Variants in GRID2 observed in about 807,000 individuals in gnomAD.
The protein encoded by GRID2 is glutamate ionotropic receptor delta type subunit 2, also known as glutamate receptor ionotropic, delta-2.
GRID2 carries 33 observed loss-of-function variants against 114.8 expected under a neutral mutation model. That is an observed-to-expected ratio of 0.29 (90% CI 0.22 to 0.38). The LOEUF (loss-of-function observed/expected upper bound fraction) is 0.38. GRID2 is among the 10% of genes least tolerant of loss of function. The pLI is 1.00. For synonymous variants in GRID2, 505 were observed against 449.9 expected, an observed-to-expected ratio of 1.12 and a Z score of -1.55; for missense variants, 1,184 against 1,257.7, an observed-to-expected ratio of 0.94 and a Z score of 0.89.
intron 1 of GRID2, among the ~76,000 whole-genome samples, chr4:92,320,637 C>G (rs900248935): frequency 1.3e-5 from 2 of 151,932 alleles, no homozygotes; most frequent in African/African-American, 4.8e-5. Context: ...ACCAACATGC[C>G]TAGCTAATTT....
chr4:93,040,996 T>G (rs1194067047), intron 2 of GRID2, among the ~76,000 whole-genome samples: 1 of 151,990 alleles, frequency 6.6e-6, no homozygotes, highest in Admixed American at 6.6e-5. Flanking sequence ...AACTGTAAAA[T>G]AAGGGTAAAG....
rs150436888 is a variant in GRID2, at chr4:93,310,242, G to A, written c.1245+71752G>A. ...TTATTAATATTGAGAACACTGAGCC[G>A]GGCACAGTGGCTCACTCCTGTAATC... On this transcript the variant is annotated intron_variant, in intron 8 of 15. Transcript: ENST00000282020. 4.0e-3 allele frequency among the ~76,000 whole-genome samples: 604 copies of A among 152,146 alleles called. 7 individuals carry two copies. Among genetic ancestry groups the A allele is most frequent in the African/African-American group, 0.014 (568 of 41,508 alleles).
chr4:93,341,476 C>A (rs1318762868), intron 8 of GRID2, among the ~76,000 whole-genome samples: 3 of 152,114 alleles, frequency 2.0e-5, no homozygotes, highest in Admixed American at 6.5e-5. Flanking sequence ...GTGCCCGCCA[C>A]CACGCCCGGC....
chr4:93,385,932 G>C (rs1410445298), intron 8 of GRID2, among the ~76,000 whole-genome samples: 1 of 151,944 alleles, frequency 6.6e-6, no homozygotes, highest in African/African-American at 2.4e-5. Flanking sequence ...TGTTGAGTTA[G>C]ATATGTATTC....
chr4:93,334,205 T>C (rs1461026207), intron 8 of GRID2, among the ~76,000 whole-genome samples: 3 of 152,186 alleles, frequency 2.0e-5, no homozygotes, highest in Non-Finnish European at 2.9e-5. Flanking sequence ...CTAGTACTAA[T>C]GTGAAATACA....
chr4:92,642,639 A>C (rs1345976712), intron 2 of GRID2, among the ~76,000 whole-genome samples: 2 of 151,214 alleles, frequency 1.3e-5, no homozygotes, highest in African/African-American at 4.9e-5. Context: ...TTTTTTTTAA[A>C]TGCAGAAGCT....
At chr4:93,090,748 T>A (rs1730713734) in intron 3 of GRID2, among the ~76,000 whole-genome samples, 1 of 152,242 alleles carries the variant, frequency 6.6e-6, no homozygotes, top group South Asian at 2.1e-4. Flanking sequence ...AGGGTGGTAA[T>A]CTTCATACAA....
At chr4:93,255,429 C>T (rs996491351) in intron 8 of GRID2, among the ~76,000 whole-genome samples, 2 of 152,086 alleles carry the variant, frequency 1.3e-5, no homozygotes, top group Non-Finnish European at 2.9e-5. Context: ...AAGGAGAAAA[C>T]GTTTTTGTTT....
intron 11 of GRID2, 140 bp from the exon 12 acceptor site, chr4:93,490,499 A>C: frequency 1.8e-6 from 1 of 548,150 alleles, no homozygotes; most frequent in Non-Finnish European, 3.3e-6. Flanking sequence ...TGGAGTGATG[A>C]AAATATAGAG....
intron 1 of GRID2, among the ~76,000 whole-genome samples, chr4:93,806,253 T>C (rs546803472): frequency 6.6e-6 from 1 of 152,228 alleles, no homozygotes; most frequent in African/African-American, 2.4e-5. Flanking sequence ...CTGGAACCAA[T>C]AACTAAAAGT....
intron 1 of GRID2, among the ~76,000 whole-genome samples, chr4:92,537,555 A>T (rs185079162): frequency 2.6e-5 from 4 of 152,310 alleles, no homozygotes; most frequent in African/African-American, 9.6e-5. Flanking sequence ...CAAAGTTTTC[A>T]TGCAAATATA....
At chr4:93,608,057 T>TAC (rs1553964031) in intron 13 of GRID2, among the ~76,000 whole-genome samples, 1 of 148,900 alleles carries the variant, frequency 6.7e-6, no homozygotes, top group Non-Finnish European at 1.5e-5. Flanking sequence ...TATATATATA[T>TAC]ACGTATATAA....
intron 11 of GRID2, among the ~76,000 whole-genome samples, chr4:93,485,733 A>T (rs1726323168): frequency 6.6e-6 from 1 of 151,756 alleles, no homozygotes; most frequent in Non-Finnish European, 1.5e-5. Flanking sequence ...TTATCCTTGT[A>T]CAACTAACCA....
At chr4:92,788,125 C>T (rs187301413) in intron 2 of GRID2, among the ~76,000 whole-genome samples, 22 of 151,664 alleles carry the variant, frequency 1.5e-4, no homozygotes, top group African/African-American at 5.3e-4. Context: ...AGAGTGTGAA[C>T]ATTGATGGAG....
intron 2 of GRID2, among the ~76,000 whole-genome samples, chr4:92,798,936 A>G (rs1428097502): frequency 6.6e-6 from 1 of 152,008 alleles, no homozygotes; most frequent in East Asian, 1.9e-4. Flanking sequence ...TCCTAAGGCT[A>G]CTATAACAAA....
chr4:93,474,318 T>C (rs1455527638), intron 11 of GRID2, among the ~76,000 whole-genome samples: 1 of 152,114 alleles, frequency 6.6e-6, no homozygotes, highest in Non-Finnish European at 1.5e-5. Context: ...TAGAATCTCT[T>C]GTCATTGCAA....
intron 8 of GRID2, among the ~76,000 whole-genome samples, chr4:93,372,811 T>C (rs904706189): frequency 3.9e-5 from 6 of 152,312 alleles, no homozygotes; most frequent in Admixed American, 3.3e-4. Context: ...GAGAAGATAG[T>C]AACTTCTGAG....
At chr4:92,632,090 A>C (rs1053259672) in intron 2 of GRID2, among the ~76,000 whole-genome samples, 1 of 152,160 alleles carries the variant, frequency 6.6e-6, no homozygotes, top group Non-Finnish European at 1.5e-5. Flanking sequence ...CAAACACTTC[A>C]TGTATTCACT....
At chr4:93,746,033 T>A (rs1256975421) in intron 14 of GRID2, among the ~76,000 whole-genome samples, 1 of 152,134 alleles carries the variant, frequency 6.6e-6, no homozygotes, top group Admixed American at 6.5e-5. Flanking sequence ...AGTGTAACCA[T>A]GAGCAACAGG....
Sources: allele counts gnomAD v4.1 joint callset (sites outside exome capture counted in the v4.1 genomes callset), GRCh38; gene constraint gnomAD v4.1.1; transcripts MANE v1.5; gene names NCBI Gene and HGNC (gene_info 2026-07-23, HGNC 2026-07-21).